DNAH9: variants seen among roughly 807,000 people sequenced by gnomAD.
DNAH9 encodes the protein DNAH9 variant protein.
Under a neutral mutation model 471.6 loss-of-function variants are expected in DNAH9, and 345 were observed. That is an observed-to-expected ratio of 0.73 (90% confidence interval 0.67 to 0.80). The LOEUF (loss-of-function observed/expected upper bound fraction) is 0.80. Ranked by LOEUF, DNAH9 falls within the 30% of genes least tolerant of loss-of-function variation. The pLI, the probability that DNAH9 is intolerant of heterozygous loss-of-function variation, is 0.00. For missense variants in DNAH9, 5,407 were observed against 5,609.2 expected (o/e 0.96, Z 1.15); for synonymous variants, 2,093 against 2,123.6 (o/e 0.99, Z 0.40).
chr17:11,630,828 T>C (rs2150672171), intron 7 of DNAH9, among the ~76,000 whole-genome samples: 1 of 152,360 alleles, frequency 6.6e-6, no homozygotes, highest in Non-Finnish European at 1.5e-5. Flanking sequence ...AGGTGATGAA[T>C]ATGTTAATTA....
chr17:11,933,984 C>A lies in DNAH9; in HGVS notation c.12402C>A (p.Phe4134Leu). ...RRLCRTYLGE[F>L]IRPEMLEGEL... is the part of the protein sequence containing the mutation. ...TCTGCAGAACCTACCTGGGGGAATT[C>A]ATTCGACCAGAAATGTTAGAAGGAG... The change falls in exon 65 of 69, where the codon TTC becomes TTA. Residue 4134 changes from phenylalanine (F) to leucine (L), a missense_variant. Around this residue, in one of 3 missense-constraint regions of DNAH9, gnomAD observed 4,636 missense variants for 4,900.3 expected, o/e 0.95. Coordinates refer to ENST00000262442, the MANE Select transcript of DNAH9 (RefSeq NM_001372.4). 1 of 1,614,194 alleles carries A rather than the reference C, an allele frequency of 6.2e-7. No homozygotes were observed. Among genetic ancestry groups the A allele is most frequent in the South Asian group, 1.1e-5 (1 of 91,086 alleles).
chr17:11,727,110 A>G (rs567862581), intron 27 of DNAH9, among the ~76,000 whole-genome samples: 97 of 142,088 alleles, frequency 6.8e-4, no homozygotes, highest in African/African-American at 2.5e-3. Context: ...CTTTTCCATT[A>G]TTTGCATTTC....
chr17:11,758,694 C>T (rs751873648), intron 35 of DNAH9, among the ~76,000 whole-genome samples: 16 of 152,138 alleles, frequency 1.1e-4, no homozygotes, highest in Admixed American at 7.9e-4. Flanking sequence ...TCCAGGTGCT[C>T]TCATTCCATA....
intron 22 of DNAH9, among the ~76,000 whole-genome samples, chr17:11,695,102 G>T (rs2074451528): frequency 6.6e-6 from 1 of 151,104 alleles, no homozygotes; most frequent in Admixed American, 6.6e-5. Flanking sequence ...GTTGGCCAGG[G>T]TGGTCTTGAT....
chr17:11,624,536 G>A (rs1439704287), intron 6 of DNAH9, among the ~76,000 whole-genome samples: 1 of 151,954 alleles, frequency 6.6e-6, no homozygotes, highest in African/African-American at 2.4e-5. Flanking sequence ...AAAGAACTGG[G>A]TATCAGTATC....
chr17:11,861,034 T>TTC lies in DNAH9; in HGVS notation c.9933+6607_9933+6608insCT, dbSNP rs1971827315. The stretch of plus-strand genomic sequence containing the variant: ...ATGTGCTTAGCTGTCATTCTTTTTT[T>TTC]TTTTTTTATACTTTAAGTTTTAGGG... On this transcript the variant is annotated intron_variant, in intron 50 of 68. Coordinates refer to ENST00000262442, the MANE Select transcript of DNAH9 (RefSeq NM_001372.4). 9.9e-5 allele frequency among the ~76,000 whole-genome samples: 15 copies of TTC among 152,092 alleles called. No homozygotes were observed. In the South Asian group the frequency reaches 3.1e-3, roughly 32 times the overall value.
intron 59 of DNAH9, among the ~76,000 whole-genome samples, chr17:11,901,754 A>T (rs1169821475): frequency 6.6e-6 from 1 of 152,180 alleles, no homozygotes; most frequent in Non-Finnish European, 1.5e-5. Context: ...GCTAAAATAT[A>T]TATCTGTCAC....
chr17:11,688,104 A>AAAAAAC, intron 19 of DNAH9, among the ~76,000 whole-genome samples: 2 of 149,864 alleles, frequency 1.3e-5, no homozygotes, highest in Non-Finnish European at 3.0e-5. Context: ...AAAAAAAGAA[A>AAAAAAC]AAGCCATCTG....
intron 68 of DNAH9, among the ~76,000 whole-genome samples, chr17:11,967,613 T>C (rs1227542769): frequency 6.6e-6 from 1 of 152,168 alleles, no homozygotes; most frequent in East Asian, 1.9e-4. Flanking sequence ...GATTAAGCAA[T>C]ACAATTTTAA....
chr17:11,684,458 C>A (rs2074199745), intron 19 of DNAH9, among the ~76,000 whole-genome samples: 1 of 152,166 alleles, frequency 6.6e-6, no homozygotes, highest in Non-Finnish European at 1.5e-5. Flanking sequence ...GGGCTTTGTG[C>A]AACTCTTAAA....
chr17:11,735,414 T>G (rs931468693), intron 28 of DNAH9, among the ~76,000 whole-genome samples: 6 of 152,080 alleles, frequency 3.9e-5, no homozygotes, highest in Non-Finnish European at 8.8e-5. Context: ...TTTCCATTTT[T>G]TTTTGTTTTG....
At chr17:11,826,029 G>A (rs1352040626) in intron 48 of DNAH9, among the ~76,000 whole-genome samples, 2 of 152,200 alleles carry the variant, frequency 1.3e-5, no homozygotes, top group Non-Finnish European at 2.9e-5. Context: ...AGCTGGTCAG[G>A]TTTTTGGCCA....
chr17:11,608,063 T>C, intron 1 of DNAH9, 66 bp from the exon 2 acceptor site: 1 of 1,275,656 alleles, frequency 7.8e-7, no homozygotes. Flanking sequence ...CTTTTCCAGA[T>C]GAGGATTTCT....
At chr17:11,797,394 C>T (rs1969282615) in intron 42 of DNAH9, among the ~76,000 whole-genome samples, 1 of 152,124 alleles carries the variant, frequency 6.6e-6, no homozygotes, top group Admixed American at 6.5e-5. Flanking sequence ...TAAGGAATAA[C>T]AAACATCACC....
chr17:11,887,172 T>C (rs913516086), intron 57 of DNAH9, among the ~76,000 whole-genome samples: 1 of 152,170 alleles, frequency 6.6e-6, no homozygotes, highest in African/African-American at 2.4e-5. Context: ...CGGGTAATTT[T>C]GACTGGAACA....
At chr17:11,872,746 A>C (rs969284464) in intron 52 of DNAH9, among the ~76,000 whole-genome samples, 2 of 152,050 alleles carry the variant, frequency 1.3e-5, no homozygotes, top group Admixed American at 6.6e-5. Flanking sequence ...CAGTGAAACC[A>C]CGTCTCTACT....
chr17:11,791,265 G>A (rs1969054601), intron 41 of DNAH9, among the ~76,000 whole-genome samples: 1 of 151,966 alleles, frequency 6.6e-6, no homozygotes, highest in Non-Finnish European at 1.5e-5. Flanking sequence ...TTCTTTTATT[G>A]TTTCTGTTGA....
intron 10 of DNAH9, 62 bp downstream of exon 10, chr17:11,640,446 G>C (rs2073250294): frequency 1.8e-6 from 2 of 1,120,016 alleles, no homozygotes; most frequent in African/African-American, 3.1e-5. Flanking sequence ...TCTAGAATCT[G>C]AGTGTTGTAG....
At position 11,636,582 on chromosome 17, in the gene DNAH9, GA is replaced by G; in HGVS notation, c.1636-49del. 3 of 1,485,056 alleles carry G rather than the reference GA, an allele frequency of 2.0e-6. No individual in the cohort carries two copies. In the Admixed American group the frequency reaches 5.2e-5, roughly 26 times the overall value. The allele number at this position is 1,485,056 out of a possible 1,614,324, so 92.0% of individuals were successfully genotyped here. A position where few individuals can be genotyped will look rare whatever the true frequency, so the allele number is the denominator to read the frequency against. Reference sequence around the variant, plus strand: ...AGAACACTGGATTTGTATAACCATGGAAAGGTTTAATCTGTGATTTTTTTCC... The same window carrying G: ...AGAACACTGGATTTGTATAACCATGGAAGGTTTAATCTGTGATTTTTTTCC... On this transcript the variant is annotated intron_variant, in intron 8 of 68. Transcript: ENST00000262442.
Sources: allele counts gnomAD v4.1 joint callset (sites outside exome capture counted in the v4.1 genomes callset), GRCh38; gene constraint gnomAD v4.1.1; regional missense constraint gnomAD v4.1.1; transcripts MANE v1.5; gene names NCBI Gene and HGNC (gene_info 2026-07-23, HGNC 2026-07-21).